The following PLXNA4 variants were observed in gnomAD, a reference collection of about 807,000 sequenced individuals.
The protein encoded by PLXNA4 is plexin A4, also known as plexin-A4.
A neutral mutation model predicts 191.8 loss-of-function variants in PLXNA4; 44 were observed. The observed-to-expected ratio is 0.23, with a 90% CI of 0.18 to 0.29. PLXNA4 has a LOEUF of 0.29. Ranked by LOEUF, PLXNA4 falls within the 10% of genes least tolerant of loss-of-function variation. PLXNA4 has a pLI of 1.00. For missense variants in PLXNA4, 1,800 were observed against 2,488.8 expected (o/e 0.72, Z 5.89); for synonymous variants, 1,082 against 1,009.5 (o/e 1.07, Z -1.36).
chr7:132,298,108 T>G lies in PLXNA4; in HGVS notation c.1486A>C (p.Ile496Leu), dbSNP rs771180043. Residue 496 changes from isoleucine to leucine, a missense_variant, in exon 4 of 32, where the codon ATC (isoleucine) becomes CTC (leucine). Ile to Leu is a conservative substitution (Grantham distance 5). Around this residue, in one of 6 missense-constraint regions of PLXNA4, gnomAD observed 1,397 missense variants for 1,880.4 expected, o/e 0.74. Transcript: ENST00000321063. Reference protein sequence around the residue: ...AFSKDHEQLYIMSERQLTRVP... With the variant: ...AFSKDHEQLYLMSERQLTRVP... Reference sequence around the variant, plus strand: ...AGCCTTACCTGCCTCTCTGACATGATGTAGAGTTGCTCGTGGTCCTTGGAG... The same window carrying G: ...AGCCTTACCTGCCTCTCTGACATGAGGTAGAGTTGCTCGTGGTCCTTGGAG... 1 of 1,614,024 alleles carries G rather than the reference T, an allele frequency of 6.2e-7. No homozygotes were observed.
intron 4 of PLXNA4, among the ~76,000 whole-genome samples, chr7:132,257,928 C>T (rs1189380187): frequency 6.6e-6 from 1 of 152,246 alleles, no homozygotes; most frequent in African/African-American, 2.4e-5. Context: ...AAGGGAGAAT[C>T]CAGCAAAATC....
chr7:132,251,258 A>T (rs763360520), intron 4 of PLXNA4, among the ~76,000 whole-genome samples: 5 of 152,164 alleles, frequency 3.3e-5, no homozygotes, highest in Non-Finnish European at 5.9e-5. Flanking sequence ...ACTGACCTTA[A>T]AATTTGGAGA....
chr7:132,465,158 T>A (rs1457184434), intron 3 of PLXNA4, among the ~76,000 whole-genome samples: 34 of 151,988 alleles, frequency 2.2e-4, no homozygotes, highest in Admixed American at 2.2e-3. Flanking sequence ...AGCCCATAGA[T>A]AGGGTGATTT....
chr7:132,152,379 G>T (rs946641912), intron 25 of PLXNA4, among the ~76,000 whole-genome samples: 2 of 152,210 alleles, frequency 1.3e-5, no homozygotes. Flanking sequence ...CCCTCACGGT[G>T]TGCACGACTG....
At chr7:132,565,230 G>C (rs549250842) in intron 1 of PLXNA4, among the ~76,000 whole-genome samples, 1 of 152,178 alleles carries the variant, frequency 6.6e-6, no homozygotes, top group Non-Finnish European at 1.5e-5. Context: ...GCTTATTCCT[G>C]GCTTTAAAGA....
intron 3 of PLXNA4, among the ~76,000 whole-genome samples, chr7:132,429,577 G>A (rs1795184787): frequency 6.6e-6 from 1 of 152,262 alleles, no homozygotes; most frequent in African/African-American, 2.4e-5. Flanking sequence ...CACATGCCAT[G>A]ATATATTGTT....
intron 25 of PLXNA4, among the ~76,000 whole-genome samples, chr7:132,151,287 GGAGGAAGAAGAAGGAGGAGGAA>G (rs1795595720): frequency 1.2e-5 from 1 of 80,452 alleles, no homozygotes; most frequent in African/African-American, 3.7e-5. Flanking sequence ...AGGAGGAGGA[GGAGGAAGAAGAAGGAGGAGGAA>G]GAAGGAGGAG....
chr7:132,143,294 T>A (rs1253073266), intron 29 of PLXNA4, among the ~76,000 whole-genome samples: 1 of 152,210 alleles, frequency 6.6e-6, no homozygotes, highest in African/African-American at 2.4e-5. Flanking sequence ...AACTGTCTAC[T>A]TTCTGGGATT....
intron 22 of PLXNA4, among the ~76,000 whole-genome samples, chr7:132,167,255 T>C (rs1181017204): frequency 3.3e-5 from 5 of 152,132 alleles, no homozygotes; most frequent in Non-Finnish European, 5.9e-5. Context: ...GCGAAAGTCA[T>C]AGGATAAGGT....
intron 1 of PLXNA4, among the ~76,000 whole-genome samples, chr7:132,511,790 T>C (rs923525227): frequency 2.0e-5 from 3 of 152,234 alleles, no homozygotes; most frequent in Admixed American, 6.5e-5. Context: ...GAATTGCTTG[T>C]GCAAATTCAA....
intron 1 of PLXNA4, among the ~76,000 whole-genome samples, chr7:132,536,022 G>A (rs1335950091): frequency 2.6e-5 from 4 of 152,176 alleles, no homozygotes; most frequent in Non-Finnish European, 5.9e-5. Context: ...GCTTCCCACA[G>A]CAATTGGGCA....
intron 10 of PLXNA4, among the ~76,000 whole-genome samples, chr7:132,206,116 G>T (rs1172802477): frequency 6.6e-6 from 1 of 152,198 alleles, no homozygotes; most frequent in African/African-American, 2.4e-5. Context: ...TGTGTGAAAT[G>T]AGCAGATAAT....
chr7:132,416,235 T>C (rs753412927), intron 3 of PLXNA4, among the ~76,000 whole-genome samples: 2 of 152,170 alleles, frequency 1.3e-5, no homozygotes, highest in Non-Finnish European at 2.9e-5. Context: ...CATTAACATG[T>C]GAGTTCTTCC....
At chr7:132,524,710 G>A (rs188409048) in intron 1 of PLXNA4, among the ~76,000 whole-genome samples, 7 of 152,078 alleles carry the variant, frequency 4.6e-5, no homozygotes, top group East Asian at 3.9e-4. Flanking sequence ...TGAGTAGCTC[G>A]GTGCCCATCA....
chr7:132,202,799 G>A lies in PLXNA4; in HGVS notation c.2433C>T (p.Cys811=), dbSNP rs201095153. 5.6e-4 allele frequency: 902 copies of A among 1,607,110 alleles called. 7 individuals carry two copies. The African/African-American group carries it at 0.01, about 19-fold the overall frequency. Residue 811 remains cysteine (C), a synonymous_variant, in exon 12 of 32, where the codon TGC becomes TGT. Coordinates refer to ENST00000321063, the MANE Select transcript of PLXNA4 (RefSeq NM_020911.2). The stretch of plus-strand genomic sequence containing the variant: ...CTGGGTCAGCCTTGAGGCACAGCCC[G>A]CAGCTCTCACGCATGGCTCCACACT... The part of the protein sequence containing the change: ...LYKCGAMRES[C]GLCLKADPDF...
chr7:132,491,595 C>T (rs1797803325), intron 2 of PLXNA4, among the ~76,000 whole-genome samples: 1 of 151,848 alleles, frequency 6.6e-6, no homozygotes, highest in African/African-American at 2.4e-5. Flanking sequence ...GCCTGGTCCA[C>T]CAGCCCAGGC....
intron 1 of PLXNA4, among the ~76,000 whole-genome samples, chr7:132,572,990 T>C (rs924298688): frequency 4.6e-5 from 7 of 151,892 alleles, no homozygotes; most frequent in Non-Finnish European, 8.8e-5. Flanking sequence ...GTTAAATTCA[T>C]GTTATATTGA....
Position 132,136,557 on chromosome 7 carries a change from C to T in PLXNA4, c.5439-3358G>A, listed in dbSNP as rs544798437. Among the ~76,000 whole-genome samples the T allele has an allele frequency of 2.4e-3, 362 of 152,284 alleles. 2 individuals are homozygous for T. Among genetic ancestry groups the T allele is most frequent in the African/African-American group, 8.3e-3 (345 of 41,554 alleles). ...GGTCCTGACATCAGGCCTCTGGGAGCAGCCATAAAGATCAGCACCCCACAG... is the reference window on the plus strand; with the variant it reads ...GGTCCTGACATCAGGCCTCTGGGAGTAGCCATAAAGATCAGCACCCCACAG... On this transcript the variant is annotated intron_variant, in intron 30 of 31. Transcript: ENST00000321063.
chr7:132,416,309 A>G (rs1309234206), intron 3 of PLXNA4, among the ~76,000 whole-genome samples: 1 of 152,224 alleles, frequency 6.6e-6, no homozygotes, highest in African/African-American at 2.4e-5. Context: ...CATGACATGG[A>G]TCAATTGGTT....
Sources: allele counts gnomAD v4.1 joint callset (sites outside exome capture counted in the v4.1 genomes callset), GRCh38; gene constraint gnomAD v4.1.1; regional missense constraint gnomAD v4.1.1; transcripts MANE v1.5; gene names NCBI Gene and HGNC (gene_info 2026-07-23, HGNC 2026-07-21).